SNX8: variants seen among roughly 807,000 people sequenced by gnomAD.
The protein encoded by SNX8 is sorting nexin-8.
In SNX8, 25 loss-of-function variants were observed where a neutral mutation model predicts 51.6. The ratio of observed to expected loss-of-function variants is 0.48; its 90% CI spans 0.35 to 0.68. The LOEUF is 0.68. SNX8 is among the 30% of genes least tolerant of loss of function. The pLI is 0.00. For synonymous variants in SNX8, 324 were observed against 277.0 expected, an observed-to-expected ratio of 1.17 and a Z score of -1.68; for missense variants, 695 against 624.0, an observed-to-expected ratio of 1.11 and a Z score of -1.21.
chr7:2,311,666 G>A (rs561941796), intron 1 of SNX8, among the ~76,000 whole-genome samples: 3 of 152,242 alleles, frequency 2.0e-5, no homozygotes, highest in East Asian at 3.9e-4. Context: ...GGCCGGGCGC[G>A]GTGGCTCACG....
chr7:2,278,375 G>GCGCCACTGT, intron 1 of SNX8, 70 bp from the exon 2 acceptor site: 1 of 985,224 alleles, frequency 1.0e-6, no homozygotes, highest in Non-Finnish European at 1.5e-6. Context: ...TGGGCACAGT[G>GCGCCACTGT]GCGCAGCCCT....
chr7:2,336,977 C>G (rs1188870677), intron 1 of SNX8: 2 of 151,230 alleles, frequency 1.3e-5, no homozygotes, highest in East Asian at 3.9e-4. Context: ...TTACTACACT[C>G]CAGCCTGGGT....
Position 2,252,365 on chromosome 7 carries a change from G to A in SNX8, c.*2691C>T, listed in dbSNP as rs887004317. On this transcript the variant is annotated 3_prime_UTR_variant, in exon 11 of 11. Transcript: ENST00000222990. ...ACCTGCAGCAGTAAGCAGCCTCTCAGCCCCTGAGCCTGGGGACCTGCCCGG... is the reference window on the plus strand; with the variant it reads ...ACCTGCAGCAGTAAGCAGCCTCTCAACCCCTGAGCCTGGGGACCTGCCCGG... 3 of 152,532 alleles carry A rather than the reference G, an allele frequency of 2.0e-5. No homozygotes were observed. Among genetic ancestry groups the A allele is most frequent in the African/African-American group, 7.2e-5 (3 of 41,464 alleles). 9.4% of individuals were successfully genotyped at this position (152,532 alleles called of 1,614,324 possible).
At chr7:2,282,371 C>T (rs535296681) in intron 1 of SNX8, among the ~76,000 whole-genome samples, 1 of 152,266 alleles carries the variant, frequency 6.6e-6, no homozygotes, top group Admixed American at 6.5e-5. Context: ...TCACAGAAAC[C>T]AGGCATGCGG....
intron 5 of SNX8, among the ~76,000 whole-genome samples, chr7:2,268,549 G>T (rs1210916931): frequency 1.5e-5 from 2 of 136,294 alleles, no homozygotes; most frequent in Admixed American, 7.2e-5. Context: ...GGAGGGAGGT[G>T]GGGGGGTCAG....
rs148399546 is a variant in SNX8 at position 2,255,083 on chromosome 7, C to T, written c.1371G>A (p.Pro457=). Residue 457 remains proline, a synonymous_variant, in exon 11 of 11, where the codon CCG becomes CCA. Transcript: ENST00000222990. Reference sequence around the variant, plus strand: ...AGTGAGGACACAGGCCGTCCTCCGGCGGGGAGCACGGTGGGGTCAGGGTGC... The same window carrying T: ...AGTGAGGACACAGGCCGTCCTCCGGTGGGGAGCACGGTGGGGTCAGGGTGC... ...PHSTLTPPCS[P]PEDGLCPH The T allele has an allele frequency of 6.3e-6, 10 of 1,577,272 alleles. No individual in the cohort carries two copies. The highest frequency in any genetic ancestry group is 3.5e-5 in the South Asian group (3 of 85,938).
rs183213429 is a variant in SNX8, at chr7:2,282,978, G to A, written c.95-4673C>T. Among the ~76,000 whole-genome samples, 695 of 151,794 alleles carry A rather than the reference G, an allele frequency of 4.6e-3. 4 individuals carry two copies. The highest frequency in any genetic ancestry group is 0.016 in the African/African-American group (675 of 41,478). On this transcript the variant is annotated intron_variant, in intron 1 of 10. Coordinates refer to ENST00000222990, the MANE Select transcript of SNX8 (RefSeq NM_013321.4). ...CTACTAAAAATACAAAAAATTAGCC[G>A]GGCGTGGTGGCGGAAGCCTGTAGTC...
intron 1 of SNX8, among the ~76,000 whole-genome samples, chr7:2,353,377 C>T (rs1477479196): frequency 1.3e-5 from 2 of 151,858 alleles, no homozygotes; most frequent in African/African-American, 2.4e-5. Flanking sequence ...CAGAGCGAGA[C>T]CCTATCTCTG....
intron 1 of SNX8, chr7:2,299,227 C>A (rs967883126): frequency 1.3e-5 from 2 of 152,052 alleles, no homozygotes; most frequent in African/African-American, 4.8e-5. Flanking sequence ...ATGAACCCCC[C>A]ACGCACACCC....
Position 2,255,128 on chromosome 7 carries a change from G to A in SNX8, c.1326C>T (p.Cys442=), listed in dbSNP as rs147582816. 4 of 1,578,362 alleles carry A rather than the reference G, an allele frequency of 2.5e-6. No homozygotes were observed. The African/African-American group carries it at 5.4e-5, about 21-fold the overall frequency. The change falls in exon 11 of 11, where the codon TGC becomes TGT. Residue 442 remains cysteine, a synonymous_variant. Transcript: ENST00000222990. ...VWNDLRPKLS[C]LFAGPHSTLT... is the part of the protein sequence containing the mutation. Reference sequence around the variant, plus strand: ...GGGTGCTGTGTGGTCCCGCAAAGAGGCAGCTGAGCTTGGGCCTCAGGTCGT... The same window carrying A: ...GGGTGCTGTGTGGTCCCGCAAAGAGACAGCTGAGCTTGGGCCTCAGGTCGT...
At chr7:2,327,514 T>G (rs1778644194) in intron 1 of SNX8, among the ~76,000 whole-genome samples, 1 of 151,898 alleles carries the variant, frequency 6.6e-6, no homozygotes, top group Non-Finnish European at 1.5e-5. Context: ...TTCATGCCAT[T>G]CTCCTGCCTC....
At chr7:2,333,422 T>C (rs1469687710) in intron 1 of SNX8, among the ~76,000 whole-genome samples, 2 of 150,942 alleles carry the variant, frequency 1.3e-5, no homozygotes, top group African/African-American at 4.9e-5. Flanking sequence ...TAGCTGGCCA[T>C]GGTGGTGTGC....
At chr7:2,260,544 A>C (rs1476245343) in intron 7 of SNX8, among the ~76,000 whole-genome samples, 1 of 151,914 alleles carries the variant, frequency 6.6e-6, no homozygotes, top group Non-Finnish European at 1.5e-5. Context: ...GAAAACACAG[A>C]CCCTACTCCG....
intron 1 of SNX8, among the ~76,000 whole-genome samples, chr7:2,330,599 TG>T (rs55942725): frequency 2.0e-5 from 3 of 152,068 alleles, no homozygotes; most frequent in Non-Finnish European, 4.4e-5. Flanking sequence ...GATCAGGGTC[TG>T]GGGGGATAGG....
intron 1 of SNX8, 120 bp downstream of exon 1, chr7:2,314,208 G>A (rs1796714452): frequency 1.9e-6 from 2 of 1,063,496 alleles, no homozygotes; most frequent in Non-Finnish European, 2.4e-6. Flanking sequence ...GGGGCCGAAC[G>A]CGGGGCGCGG....
At chr7:2,326,440 C>T (rs1182710185) in intron 1 of SNX8, among the ~76,000 whole-genome samples, 4 of 151,952 alleles carry the variant, frequency 2.6e-5, no homozygotes, top group Non-Finnish European at 5.9e-5. Context: ...CCAAGGCGGG[C>T]AGATCACGAG....
intron 1 of SNX8, chr7:2,287,925 T>C (rs1584705208): frequency 6.6e-6 from 1 of 150,624 alleles, no homozygotes; most frequent in Admixed American, 6.6e-5. Flanking sequence ...TGCTTCATGG[T>C]GTTCTGGGAA....
At position 2,264,336 on chromosome 7, in the gene SNX8, G is replaced by A. The variant is rs1795411141; in HGVS notation, c.744C>T (p.Asp248=). Residue 248 remains aspartate (D), a synonymous_variant, in exon 6 of 11, where the codon GAC becomes GAT. Transcript: ENST00000222990. ...CGAATATGAGAAGATCTGCCGCATT[G>A]TCGATGGCCCGCGATGCGATCCGCT... is the stretch of plus-strand genomic sequence containing the variant. The part of the protein sequence containing the change: ...RAERIASRAI[D]NAADLLIFGK... The A allele has an allele frequency of 6.2e-7, 1 of 1,612,940 alleles. No homozygotes were observed.
At chr7:2,321,793 G>C (rs1161792381) in intron 1 of SNX8, among the ~76,000 whole-genome samples, 2 of 133,684 alleles carry the variant, frequency 1.5e-5, no homozygotes, top group African/African-American at 2.9e-5. Context: ...CTCGGATCTC[G>C]GCTCACTGCA....
Sources: gnomAD v4.1 joint callset for allele counts (sites outside exome capture counted in the v4.1 genomes callset) on GRCh38, gnomAD v4.1.1 for gene constraint, MANE v1.5 for transcripts, NCBI Gene and HGNC (gene_info 2026-07-23, HGNC 2026-07-21) for gene names.